GRM7: variants seen among roughly 807,000 people sequenced by gnomAD.
The protein encoded by GRM7 is glutamate metabotropic receptor 7, also known as metabotropic glutamate receptor 7.
GRM7 carries 35 observed loss-of-function variants against 84.5 expected under a neutral mutation model. That is an observed-to-expected ratio of 0.41 (90% CI 0.32 to 0.55). The LOEUF (loss-of-function observed/expected upper bound fraction) is 0.55. GRM7 is among the 20% of genes least tolerant of loss of function. The probability of loss-of-function intolerance (pLI) is 0.19; values close to 1 mark genes in which losing one functional copy is unlikely to be tolerated. For missense variants in GRM7, 1,003 were observed against 1,194.6 expected (o/e 0.84, Z 2.36); for synonymous variants, 487 against 455.1 (o/e 1.07, Z -0.89).
At chr3:6,950,894 G>A (rs1434070317) in intron 1 of GRM7, among the ~76,000 whole-genome samples, 2 of 152,202 alleles carry the variant, frequency 1.3e-5, no homozygotes, top group Admixed American at 6.5e-5. Context: ...CGTTTGATAA[G>A]CCCTCTGGAA....
At chr3:7,077,668 C>T (rs1574870645) in intron 1 of GRM7, among the ~76,000 whole-genome samples, 1 of 151,862 alleles carries the variant, frequency 6.6e-6, no homozygotes, top group African/African-American at 2.4e-5. Flanking sequence ...ACGTGTATAC[C>T]TATGTAACAA....
chr3:7,511,717 C>T (rs955062772), intron 7 of GRM7, among the ~76,000 whole-genome samples: 1 of 152,156 alleles, frequency 6.6e-6, no homozygotes, highest in African/African-American at 2.4e-5. Flanking sequence ...CTGGAGATTT[C>T]TCAATGAGAC....
At chr3:7,563,968 C>A (rs1694148818) in intron 7 of GRM7, among the ~76,000 whole-genome samples, 2 of 152,060 alleles carry the variant, frequency 1.3e-5, no homozygotes, top group African/African-American at 4.8e-5. Flanking sequence ...AAGTCAACAT[C>A]CATATGTTTA....
intron 4 of GRM7, among the ~76,000 whole-genome samples, chr3:7,321,769 A>G (rs9860014): frequency 0.067 from 10,185 of 152,174 alleles, 891 homozygotes; most frequent in African/African-American, 0.2. Context: ...AAAGTTTTAC[A>G]GAATTTATTC....
intron 8 of GRM7, among the ~76,000 whole-genome samples, chr3:7,600,837 T>G (rs750541384): frequency 6.6e-6 from 1 of 152,198 alleles, no homozygotes; most frequent in African/African-American, 2.4e-5. Flanking sequence ...CACAGTTATT[T>G]TATTGCTATT....
chr3:7,680,345 C>T, intron 9 of GRM7, 50 bp downstream of exon 9: 1 of 1,593,334 alleles, frequency 6.3e-7, no homozygotes, highest in South Asian at 1.1e-5. Context: ...TCAGGAAGCT[C>T]TAGAAGATGT....
rs866179307 is a variant in GRM7, at chr3:7,718,556, T to C, written c.2699-21801T>C. Among the ~76,000 whole-genome samples, 8 of 152,090 alleles carry C rather than the reference T, an allele frequency of 5.3e-5. No homozygotes were observed. In the South Asian group the frequency reaches 8.3e-4, roughly 16 times the overall value. ...AAAAAGAGAAAATTATTCACTTAGA[T>C]AGCAGGGAGTTGGAAATTGAGACAC... On this transcript the variant is annotated intron_variant, in intron 9 of 9. Coordinates refer to ENST00000357716, the MANE Select transcript of GRM7 (RefSeq NM_000844.4).
rs200570356 is a variant in GRM7 at position 7,410,463 on chromosome 3, C to T, written c.1034-4560C>T. Among the ~76,000 whole-genome samples, 78 of 152,068 alleles carry T rather than the reference C, an allele frequency of 5.1e-4. 1 individual carries two copies. The East Asian group carries it at 0.011, about 21-fold the overall frequency. On this transcript the variant is annotated intron_variant, in intron 4 of 9. Transcript: ENST00000357716. The stretch of plus-strand genomic sequence containing the variant: ...TGGTGCCCACCTGTGGTCCCAGCTA[C>T]CCAGGAGGCTGAGGTGGGAGGATCA...
At chr3:7,496,555 A>G (rs1699709041) in intron 7 of GRM7, among the ~76,000 whole-genome samples, 1 of 152,196 alleles carries the variant, frequency 6.6e-6, no homozygotes, top group Admixed American at 6.5e-5. Context: ...TAGATCTTAT[A>G]ATGAAAAAAA....
At chr3:6,968,243 A>C (rs1693604493) in intron 1 of GRM7, among the ~76,000 whole-genome samples, 1 of 151,688 alleles carries the variant, frequency 6.6e-6, no homozygotes, top group African/African-American at 2.4e-5. Context: ...CATCTTCTCC[A>C]TTGTTTCTTC....
At chr3:7,612,251 C>T (rs1696881535) in intron 8 of GRM7, among the ~76,000 whole-genome samples, 2 of 152,194 alleles carry the variant, frequency 1.3e-5, no homozygotes, top group South Asian at 4.1e-4. Flanking sequence ...TTTCTTTAAC[C>T]TCCCTGTCTC....
chr3:7,223,961 T>C (rs1696894935), intron 2 of GRM7, among the ~76,000 whole-genome samples: 1 of 152,206 alleles, frequency 6.6e-6, no homozygotes, highest in Admixed American at 6.5e-5. Context: ...TATGGAATCT[T>C]TCTTGTTGCT....
intron 1 of GRM7, among the ~76,000 whole-genome samples, chr3:6,995,465 A>G (rs1694796107): frequency 6.6e-6 from 1 of 152,260 alleles, no homozygotes; most frequent in Non-Finnish European, 1.5e-5. Context: ...TGAGGTTGTT[A>G]CAGCAGTATA....
intron 4 of GRM7, among the ~76,000 whole-genome samples, chr3:7,383,171 T>A (rs1559283169): frequency 6.6e-6 from 1 of 152,234 alleles, no homozygotes; most frequent in East Asian, 1.9e-4. Flanking sequence ...TTTTCATAGG[T>A]TCTCATGGAA....
chr3:7,286,619 A>T (rs1041342966), intron 2 of GRM7, among the ~76,000 whole-genome samples: 4 of 152,000 alleles, frequency 2.6e-5, no homozygotes, highest in Non-Finnish European at 5.9e-5. Flanking sequence ...TTTCTTTCTG[A>T]ATTTTTTTGT....
chr3:6,895,456 C>G (rs1696142693), intron 1 of GRM7, among the ~76,000 whole-genome samples: 1 of 152,162 alleles, frequency 6.6e-6, no homozygotes, highest in Non-Finnish European at 1.5e-5. Context: ...GGTAAGAACA[C>G]TACCAAACTT....
At chr3:6,985,620 C>A (rs961091150) in intron 1 of GRM7, among the ~76,000 whole-genome samples, 25 of 152,198 alleles carry the variant, frequency 1.6e-4, no homozygotes, top group Non-Finnish European at 1.5e-5. Context: ...CCCAACGTCA[C>A]ATGGCTAATA....
chr3:7,285,721 A>T (rs146426862), intron 2 of GRM7, among the ~76,000 whole-genome samples: 14 of 152,224 alleles, frequency 9.2e-5, no homozygotes, highest in African/African-American at 2.4e-4. Flanking sequence ...TGGCACTGTG[A>T]TGCCAATTGT....
At chr3:7,142,763 G>C (rs1693990598) in intron 1 of GRM7, among the ~76,000 whole-genome samples, 1 of 152,080 alleles carries the variant, frequency 6.6e-6, no homozygotes, top group Non-Finnish European at 1.5e-5. Flanking sequence ...TCTTGTGTTT[G>C]TTTCTCTACA....
Sources: gnomAD v4.1 joint callset for allele counts (sites outside exome capture counted in the v4.1 genomes callset) on GRCh38, gnomAD v4.1.1 for gene constraint, MANE v1.5 for transcripts, NCBI Gene and HGNC (gene_info 2026-07-23, HGNC 2026-07-21) for gene names.